Variants in DLC1 observed in about 807,000 individuals in gnomAD.
The protein encoded by DLC1 is rho GTPase-activating protein 7.
A neutral mutation model predicts 140.3 loss-of-function variants in DLC1; 54 were observed. The ratio of observed to expected loss-of-function variants is 0.38; its 90% CI spans 0.31 to 0.48. DLC1 has a LOEUF of 0.48. DLC1 is among the 20% of genes least tolerant of loss of function. DLC1 has a pLI of 0.96. For missense variants in DLC1, 2,536 were observed against 1,907.0 expected (o/e 1.33, Z -6.14); for synonymous variants, 986 against 728.1 (o/e 1.35, Z -5.70).
intron 2 of DLC1, among the ~76,000 whole-genome samples, chr8:13,453,770 C>A (rs1328674973): frequency 6.6e-6 from 1 of 151,014 alleles, no homozygotes; most frequent in Non-Finnish European, 1.5e-5. Flanking sequence ...TGTAGAACTA[C>A]TATTTTACAG....
intron 1 of DLC1, among the ~76,000 whole-genome samples, chr8:13,581,993 A>C (rs1055499490): frequency 6.6e-6 from 1 of 152,168 alleles, no homozygotes; most frequent in Non-Finnish European, 1.5e-5. Context: ...GTGTGTGAAG[A>C]GGGTAGGATG....
chr8:13,575,910 T>A (rs369575060), intron 1 of DLC1, among the ~76,000 whole-genome samples: 15 of 152,314 alleles, frequency 9.8e-5, no homozygotes, highest in African/African-American at 2.9e-4. Flanking sequence ...TTAACATATT[T>A]TGAGTATCTG....
At chr8:13,249,999 A>G (rs1371986563) in intron 5 of DLC1, among the ~76,000 whole-genome samples, 1 of 152,026 alleles carries the variant, frequency 6.6e-6, no homozygotes, top group Non-Finnish European at 1.5e-5. Context: ...GTGCTTTGGG[A>G]CATTGTGGCC....
At chr8:13,393,731 GA>G in intron 3 of DLC1, 38 bp from the exon 4 acceptor site, 1 of 1,589,250 alleles carries the variant, frequency 6.3e-7, no homozygotes, top group Non-Finnish European at 8.6e-7. Context: ...AAGGACATGT[GA>G]ATGTTCCCAA....
At chr8:13,321,122 A>C (rs1833088257) in intron 4 of DLC1, among the ~76,000 whole-genome samples, 2 of 152,196 alleles carry the variant, frequency 1.3e-5, no homozygotes. Flanking sequence ...AGCCGATCCC[A>C]ATTACTTAAA....
At chr8:13,117,634 C>T (rs578029934) in intron 5 of DLC1, among the ~76,000 whole-genome samples, 1 of 152,250 alleles carries the variant, frequency 6.6e-6, no homozygotes, top group Admixed American at 6.5e-5. Flanking sequence ...ATTGAACAGA[C>T]TGTTAGACAT....
At chr8:13,561,539 T>C (rs991568544) in intron 1 of DLC1, among the ~76,000 whole-genome samples, 1 of 152,186 alleles carries the variant, frequency 6.6e-6, no homozygotes, top group African/African-American at 2.4e-5. Flanking sequence ...GTGAATAATA[T>C]TCTGGCAATA....
chr8:13,190,814 A>T (rs1313513491), intron 5 of DLC1, among the ~76,000 whole-genome samples: 1 of 152,104 alleles, frequency 6.6e-6, no homozygotes, highest in East Asian at 1.9e-4. Context: ...TGCTGACCTC[A>T]CCTAGAGATG....
At chr8:13,553,100 C>T (rs1330598883) in intron 1 of DLC1, among the ~76,000 whole-genome samples, 1 of 150,412 alleles carries the variant, frequency 6.6e-6, no homozygotes, top group Non-Finnish European at 1.5e-5. Context: ...ACTGCAAACA[C>T]ACCTAAACCT....
At chr8:13,114,193 C>A (rs1166351735) in intron 6 of DLC1, among the ~76,000 whole-genome samples, 4 of 152,128 alleles carry the variant, frequency 2.6e-5, no homozygotes, top group Admixed American at 2.0e-4. Context: ...AAAACCCCGG[C>A]TCTACTAAAA....
chr8:13,229,517 C>G (rs1009004059), intron 5 of DLC1, among the ~76,000 whole-genome samples: 1 of 151,964 alleles, frequency 6.6e-6, no homozygotes. Flanking sequence ...CCTAAAATTA[C>G]ACAACTCCAT....
intron 2 of DLC1, among the ~76,000 whole-genome samples, chr8:13,413,287 A>G (rs1244333920): frequency 3.2e-5 from 1 of 31,238 alleles, no homozygotes; most frequent in Non-Finnish European, 8.1e-5. Context: ...TAGCTCATCA[A>G]CTATCGTTAG....
At chr8:13,115,747 C>A (rs1009734750) in intron 5 of DLC1, 90 bp from the exon 6 acceptor site, 3 of 1,146,280 alleles carry the variant, frequency 2.6e-6, no homozygotes, top group African/African-American at 3.1e-5. Flanking sequence ...ATGATACAAG[C>A]AAAACATGAC....
chr8:13,451,037 CAAAAAAA>C (rs1169620786), intron 2 of DLC1, among the ~76,000 whole-genome samples: 365 of 18,202 alleles, frequency 0.02, no homozygotes, highest in East Asian at 0.075. Flanking sequence ...GACTCCGTCT[CAAAAAAA>C]AAAAAAAAAA....
At chr8:13,147,085 C>A (rs1823488082) in intron 5 of DLC1, among the ~76,000 whole-genome samples, 1 of 152,154 alleles carries the variant, frequency 6.6e-6, no homozygotes, top group Non-Finnish European at 1.5e-5. Context: ...TCTAACTGTA[C>A]CTAGGAACCA....
In DLC1 at chr8:13,347,105, C is replaced by T. The variant is rs139079144; in HGVS notation, c.1315-41803G>A. On this transcript the variant is annotated intron_variant, in intron 4 of 17. Transcript: ENST00000276297. Reference sequence around the variant, plus strand: ...TGTATAGGAGGAAACATAGTATACACAGGGTTTGGTACTATCCGTAGTTTC... The same window carrying T: ...TGTATAGGAGGAAACATAGTATACATAGGGTTTGGTACTATCCGTAGTTTC... 4.8e-4 allele frequency among the ~76,000 whole-genome samples: 73 copies of T among 152,268 alleles called. 1 individual carries two copies. Among genetic ancestry groups the T allele is most frequent in the African/African-American group, 1.7e-3 (70 of 41,558 alleles).
intron 5 of DLC1, among the ~76,000 whole-genome samples, chr8:13,238,464 G>C (rs1310561714): frequency 2.0e-5 from 3 of 151,730 alleles, no homozygotes; most frequent in East Asian, 3.9e-4. Context: ...AGTGAGCCAC[G>C]TTCACGCCAC....
intron 5 of DLC1, among the ~76,000 whole-genome samples, chr8:13,245,645 C>T (rs940578262): frequency 2.0e-5 from 3 of 152,106 alleles, no homozygotes; most frequent in African/African-American, 4.8e-5. Context: ...CTCCCATCAT[C>T]AGAAATTGTT....
At chr8:13,381,905 G>A (rs183633945) in intron 4 of DLC1, among the ~76,000 whole-genome samples, 256 of 152,240 alleles carry the variant, frequency 1.7e-3, no homozygotes, top group African/African-American at 5.8e-3. Flanking sequence ...ATATGATGGA[G>A]ACTTTGAGAT....
Sources: allele counts gnomAD v4.1 joint callset (sites outside exome capture counted in the v4.1 genomes callset), GRCh38; gene constraint gnomAD v4.1.1; transcripts MANE v1.5; gene names NCBI Gene and HGNC (gene_info 2026-07-23, HGNC 2026-07-21).